PDSS2: variants seen among roughly 807,000 people sequenced by gnomAD.
PDSS2 encodes the protein decaprenyl diphosphate synthase subunit 2.
PDSS2 carries 31 observed loss-of-function variants against 44.5 expected under a neutral mutation model. That is an observed-to-expected ratio of 0.70 (90% CI 0.52 to 0.94). PDSS2 has a LOEUF of 0.94. PDSS2 is among the 40% of genes least tolerant of loss of function. PDSS2 has a pLI of 0.00. For missense variants in PDSS2, 452 were observed against 482.2 expected (o/e 0.94, Z 0.59); for synonymous variants, 157 against 180.3 (o/e 0.87, Z 1.03).
intron 7 of PDSS2, among the ~76,000 whole-genome samples, chr6:107,163,383 T>C (rs1231632428): frequency 6.6e-6 from 1 of 152,174 alleles, no homozygotes; most frequent in Admixed American, 6.6e-5. Flanking sequence ...ACCTGATAGC[T>C]TTCATGTGTA....
At chr6:107,244,464 C>T (rs1774543981) in intron 4 of PDSS2, among the ~76,000 whole-genome samples, 1 of 152,174 alleles carries the variant, frequency 6.6e-6, no homozygotes, top group Non-Finnish European at 1.5e-5. Context: ...TAGTAGTGAA[C>T]TTGCATGTCT....
chr6:107,286,725 A>G (rs1041948247), intron 2 of PDSS2, among the ~76,000 whole-genome samples: 2 of 152,084 alleles, frequency 1.3e-5, no homozygotes, highest in African/African-American at 4.8e-5. Flanking sequence ...AAAGTATGTA[A>G]AATGATGCTC....
intron 2 of PDSS2, among the ~76,000 whole-genome samples, chr6:107,280,094 C>G (rs192178521): frequency 6.6e-6 from 1 of 152,222 alleles, no homozygotes; most frequent in Non-Finnish European, 1.5e-5. Flanking sequence ...GAGTCTTGCT[C>G]TGTCACCCAG....
intron 3 of PDSS2, among the ~76,000 whole-genome samples, chr6:107,253,591 G>T (rs574287943): frequency 6.6e-6 from 1 of 152,074 alleles, no homozygotes; most frequent in Non-Finnish European, 1.5e-5. Context: ...TAGATAAGAG[G>T]TTTCTGTGTT....
chr6:107,337,188 A>G (rs115854565), intron 1 of PDSS2, among the ~76,000 whole-genome samples: 93 of 152,150 alleles, frequency 6.1e-4, no homozygotes, highest in African/African-American at 2.1e-3. Context: ...TTAATTCACA[A>G]TGCTAAGAGG....
At chr6:107,299,535 C>T (rs897275831) in intron 2 of PDSS2, among the ~76,000 whole-genome samples, 3 of 151,992 alleles carry the variant, frequency 2.0e-5, no homozygotes, top group African/African-American at 7.2e-5. Context: ...TCCCCATGGC[C>T]CTCCCTTGTC....
intron 3 of PDSS2, among the ~76,000 whole-genome samples, chr6:107,259,557 C>G (rs1369074620): frequency 6.6e-6 from 1 of 152,056 alleles, no homozygotes; most frequent in Non-Finnish European, 1.5e-5. Flanking sequence ...TGCTTGTAAT[C>G]CCCGCTACTT....
chr6:107,214,661 C>T (rs6933335), intron 4 of PDSS2, among the ~76,000 whole-genome samples: 15,025 of 151,972 alleles, frequency 0.099, 880 homozygotes, highest in South Asian at 0.21. Flanking sequence ...TGCTTGGAGA[C>T]AAAATAAAAA....
At chr6:107,162,048 T>C (rs188864970) in intron 7 of PDSS2, among the ~76,000 whole-genome samples, 434 of 152,280 alleles carry the variant, frequency 2.9e-3, no homozygotes, top group Non-Finnish European at 4.2e-3. Context: ...TTCTTGAAGA[T>C]TTAATAATAG....
chr6:107,356,567 T>G (rs1258710365), intron 1 of PDSS2, among the ~76,000 whole-genome samples: 1 of 152,218 alleles, frequency 6.6e-6, no homozygotes, highest in Non-Finnish European at 1.5e-5. Context: ...AGATCATAAA[T>G]GTTATTTCAA....
At chr6:107,373,643 G>T (rs1267435259) in intron 1 of PDSS2, among the ~76,000 whole-genome samples, 1 of 152,168 alleles carries the variant, frequency 6.6e-6, no homozygotes, top group African/African-American at 2.4e-5. Context: ...ACAGGAGAAA[G>T]AAGTAACCCT....
At chr6:107,236,207 G>A (rs1293825625) in intron 4 of PDSS2, among the ~76,000 whole-genome samples, 8 of 152,100 alleles carry the variant, frequency 5.3e-5, no homozygotes, top group Admixed American at 5.2e-4. Flanking sequence ...AAAGCAAGAA[G>A]ACAATGAAGC....
intron 2 of PDSS2, among the ~76,000 whole-genome samples, chr6:107,324,465 T>C (rs914303203): frequency 6.6e-6 from 1 of 152,198 alleles, no homozygotes; most frequent in Non-Finnish European, 1.5e-5. Flanking sequence ...GCTTTACAAG[T>C]ATGAAATATA....
chr6:107,398,006 T>C (rs1327141178), intron 1 of PDSS2, among the ~76,000 whole-genome samples: 2 of 152,120 alleles, frequency 1.3e-5, no homozygotes, highest in Non-Finnish European at 2.9e-5. Context: ...CAAAACAGAA[T>C]AACACATTTT....
intron 2 of PDSS2, among the ~76,000 whole-genome samples, chr6:107,289,901 C>T (rs1776287389): frequency 6.6e-6 from 1 of 152,150 alleles, no homozygotes; most frequent in Non-Finnish European, 1.5e-5. Context: ...CCGCCTCAGC[C>T]TCCTGAGTAG....
At chr6:107,367,610 CCCTTCT>C (rs1393028066) in intron 1 of PDSS2, among the ~76,000 whole-genome samples, 5 of 151,894 alleles carry the variant, frequency 3.3e-5, no homozygotes, top group African/African-American at 1.2e-4. Context: ...ATGGCAAAAC[CCCTTCT>C]CTACTAAAAA....
chr6:107,285,530 T>G (rs1386372019), intron 2 of PDSS2, among the ~76,000 whole-genome samples: 1 of 151,972 alleles, frequency 6.6e-6, no homozygotes, highest in Non-Finnish European at 1.5e-5. Context: ...ATCACAAGAA[T>G]AGACTAATAG....
intron 7 of PDSS2, among the ~76,000 whole-genome samples, chr6:107,165,490 T>C (rs1418643819): frequency 1.3e-5 from 2 of 152,216 alleles, no homozygotes; most frequent in African/African-American, 4.8e-5. Flanking sequence ...TGTGGTATTA[T>C]TTCTGAGGGC....
intron 2 of PDSS2, among the ~76,000 whole-genome samples, chr6:107,279,821 A>G (rs1010108032): frequency 2.6e-5 from 4 of 152,202 alleles, no homozygotes; most frequent in Admixed American, 6.5e-5. Context: ...CTAAGATTTT[A>G]TCACCAGATA....
Sources: gnomAD v4.1 joint callset for allele counts (sites outside exome capture counted in the v4.1 genomes callset) on GRCh38, gnomAD v4.1.1 for gene constraint, MANE v1.5 for transcripts, NCBI Gene and HGNC (gene_info 2026-07-23, HGNC 2026-07-21) for gene names.